Variants in CDH23 observed in about 807,000 individuals in gnomAD.
CDH23 encodes the protein cadherin-23.
In CDH23, 189 loss-of-function variants were observed where a neutral mutation model predicts 317.1. The observed-to-expected ratio is 0.60, with a 90% CI of 0.53 to 0.67. The LOEUF is 0.67. CDH23 is among the 30% of genes least tolerant of loss of function. The pLI, the probability that CDH23 is intolerant of heterozygous loss-of-function variation, is 0.00. For synonymous variants in CDH23, 1,839 were observed against 1,876.8 expected, an observed-to-expected ratio of 0.98 and a Z score of 0.52; for missense variants, 4,401 against 4,592.4, an observed-to-expected ratio of 0.96 and a Z score of 1.20.
Position 71,810,018 on chromosome 10 carries a change from A to T in CDH23, c.8921A>T (p.Glu2974Val), listed in dbSNP as rs1349752394. Residue 2974 changes from glutamate to valine, a missense_variant, in exon 61 of 70, where the codon GAG (glutamate) becomes GTG (valine). Coordinates refer to ENST00000224721, the MANE Select transcript of CDH23 (RefSeq NM_022124.6). ...IPDRVRGFEE[E>V]FIHLLSNITG... ...GACCGTGTGCGCGGCTTCGAGGAGG[A>T]GTTCATCCACCTGCTCTCCAACATC... 6.2e-6 allele frequency: 10 copies of T among 1,612,486 alleles called. No homozygotes were observed. The highest frequency in any genetic ancestry group is 1.6e-4 in the Middle Eastern group (1 of 6,084).
At position 71,566,741 on chromosome 10, in the gene CDH23, G is replaced by A. The variant is rs1276464773; in HGVS notation, c.430-1G>A. 1 of 1,595,614 alleles carries A rather than the reference G, an allele frequency of 6.3e-7. No individual in the cohort carries two copies. Among genetic ancestry groups the A allele is most frequent in the Non-Finnish European group, 8.6e-7 (1 of 1,167,868 alleles). On this transcript the variant is annotated splice_acceptor_variant, in intron 6 of 69. Transcript: ENST00000224721. LOFTEE classifies it high-confidence loss of function. ...TGTACTTGCTTTGCTCTCATCCCCA[G>A]AATACACCAGTGGGGACGCCCATCT...
intron 37 of CDH23, 89 bp from the exon 38 acceptor site, chr10:71,741,605 A>G (rs529066768): frequency 2.7e-6 from 3 of 1,105,248 alleles, no homozygotes; most frequent in Non-Finnish European, 2.7e-6. Context: ...TGGGAGGTAC[A>G]GGGGGAGCCT....
chr10:71,452,365 G>A (rs1850490077), intron 3 of CDH23, among the ~76,000 whole-genome samples: 1 of 152,176 alleles, frequency 6.6e-6, no homozygotes, highest in Non-Finnish European at 1.5e-5. Flanking sequence ...AGCCTCCCGA[G>A]TGCCTGCAGG....
chr10:71,616,348 C>T (rs1861191030), intron 10 of CDH23, among the ~76,000 whole-genome samples: 1 of 152,198 alleles, frequency 6.6e-6, no homozygotes, highest in Non-Finnish European at 1.5e-5. Flanking sequence ...CCCAGCCTGG[C>T]CCTTAATTGC....
chr10:71,536,348 G>A (rs933408682), intron 6 of CDH23, among the ~76,000 whole-genome samples: 27 of 152,226 alleles, frequency 1.8e-4, no homozygotes, highest in Non-Finnish European at 3.7e-4. Flanking sequence ...GGGCTAGTGA[G>A]GAGGAGGCTG....
chr10:71,561,962 G>A (rs780313773), intron 6 of CDH23, among the ~76,000 whole-genome samples: 28 of 148,650 alleles, frequency 1.9e-4, no homozygotes, highest in African/African-American at 3.4e-4. Flanking sequence ...CAAAGACCAC[G>A]GCTGCTCCTT....
chr10:71,791,124 G>A lies in CDH23; in HGVS notation c.6050-8G>A, dbSNP rs773159453. ...TGTGTTTCCCTGGCTGGCGGCACCGGGTGCCAGGTGTGGTGACCGTGAGGT... is the reference window on the plus strand; with the variant it reads ...TGTGTTTCCCTGGCTGGCGGCACCGAGTGCCAGGTGTGGTGACCGTGAGGT... On this transcript the variant is annotated splice_region_variant and splice_polypyrimidine_tract_variant and intron_variant, in intron 46 of 69. Transcript: ENST00000224721. 1.3e-6 allele frequency: 2 copies of A among 1,599,256 alleles called. No individual in the cohort carries two copies. The highest frequency in any genetic ancestry group is 1.1e-5 in the South Asian group (1 of 88,890).
At chr10:71,715,632 G>A (rs753308461) in intron 28 of CDH23, 15 of 271,308 alleles carry the variant, frequency 5.5e-5, no homozygotes, top group East Asian at 2.5e-4. Context: ...AGGTGGTTAC[G>A]AGCCCCAGGT....
rs1839637815 is a variant in CDH23, at chr10:71,738,633, G to A, written c.4345G>A (p.Gly1449Ser). The change falls in exon 35 of 70, where the codon GGC (glycine) becomes AGC (serine). Residue 1449 changes from glycine to serine, a missense_variant. Coordinates refer to ENST00000224721, the MANE Select transcript of CDH23 (RefSeq NM_022124.6). ...ATVKAWDPDAGSNGQVVFSLA... is the reference protein window; with the variant it reads ...ATVKAWDPDASSNGQVVFSLA... ...TGTCAAGGCCTGGGACCCTGATGCT[G>A]GCAGCAATGGGCAGGTGGGCCACCG... 1 of 1,612,972 alleles carries A rather than the reference G, an allele frequency of 6.2e-7. No individual in the cohort carries two copies. The highest frequency in any genetic ancestry group is 8.5e-7 in the Non-Finnish European group (1 of 1,179,664).
chr10:71,615,495 C>A lies in CDH23; in HGVS notation c.833-9C>A. 1 of 1,603,316 alleles carries A rather than the reference C, an allele frequency of 6.2e-7. No individual in the cohort carries two copies. The highest frequency in any genetic ancestry group is 8.5e-7 in the Non-Finnish European group (1 of 1,172,406). Reference sequence around the variant, plus strand: ...CCTGGTCACACCTGAATGCTTCTCTCTCTTGCAGGGAATACCAACAGCATC... The same window carrying A: ...CCTGGTCACACCTGAATGCTTCTCTATCTTGCAGGGAATACCAACAGCATC... On this transcript the variant is annotated splice_polypyrimidine_tract_variant and intron_variant, in intron 9 of 69. Transcript: ENST00000224721.
At chr10:71,640,163 C>CAG in intron 11 of CDH23, among the ~76,000 whole-genome samples, 1 of 152,318 alleles carries the variant, frequency 6.6e-6, no homozygotes, top group East Asian at 1.9e-4. Flanking sequence ...GGTAGTTAAC[C>CAG]AGAAGCTACA....
At chr10:71,639,316 ATC>A (rs1339255895) in intron 11 of CDH23, among the ~76,000 whole-genome samples, 2 of 152,054 alleles carry the variant, frequency 1.3e-5, no homozygotes, top group Non-Finnish European at 2.9e-5. Flanking sequence ...CCTCCTCCGC[ATC>A]TCCACCCCAT....
chr10:71,766,012 G>A (rs979735062), intron 38 of CDH23, among the ~76,000 whole-genome samples: 7 of 152,174 alleles, frequency 4.6e-5, no homozygotes, highest in African/African-American at 1.7e-4. Flanking sequence ...GAGGACACTC[G>A]AAGGCATGGC....
intron 55 of CDH23, 108 bp downstream of exon 55, chr10:71,803,528 A>G (rs886336351): frequency 6.0e-6 from 6 of 1,008,260 alleles, no homozygotes; most frequent in Non-Finnish European, 8.7e-6. Flanking sequence ...TGGCTTCAGG[A>G]AAGTAGCTCC....
chr10:71,647,462 C>CAA (rs56367143), intron 14 of CDH23, among the ~76,000 whole-genome samples: 1 of 148,060 alleles, frequency 6.8e-6, no homozygotes, highest in Admixed American at 6.7e-5. Context: ...GATTCTGTCT[C>CAA]AAAAAAAAAA....
intron 14 of CDH23, among the ~76,000 whole-genome samples, chr10:71,655,600 G>A (rs549361764): frequency 3.3e-5 from 5 of 152,100 alleles, no homozygotes; most frequent in African/African-American, 1.2e-4. Context: ...ATGAGGGCTC[G>A]CTGGCAAGTG....
chr10:71,521,387 G>T (rs1183861153), intron 6 of CDH23, among the ~76,000 whole-genome samples: 1 of 152,190 alleles, frequency 6.6e-6, no homozygotes, highest in Non-Finnish European at 1.5e-5. Flanking sequence ...GCACCTCCCA[G>T]TCTGAGCCCA....
intron 2 of CDH23, among the ~76,000 whole-genome samples, chr10:71,441,693 G>A (rs1271091876): frequency 1.3e-5 from 2 of 151,616 alleles, no homozygotes; most frequent in Non-Finnish European, 2.9e-5. Context: ...TTGAATTCCA[G>A]CCTGGGTGAA....
intron 49 of CDH23, 62 bp downstream of exon 49, chr10:71,797,282 T>C: frequency 8.4e-7 from 1 of 1,185,556 alleles, no homozygotes; most frequent in Non-Finnish European, 1.2e-6. Context: ...AGGGGGCAGG[T>C]GGGGAACAGG....
Sources: allele counts gnomAD v4.1 joint callset (sites outside exome capture counted in the v4.1 genomes callset), GRCh38; gene constraint gnomAD v4.1.1; transcripts MANE v1.5; gene names NCBI Gene and HGNC (gene_info 2026-07-23, HGNC 2026-07-21).